Variants in ERN1 observed in about 807,000 individuals in gnomAD.
ERN1 encodes endoplasmic reticulum to nucleus signaling 1, also known as serine/threonine-protein kinase/endoribonuclease IRE1.
ERN1 carries 39 observed loss-of-function variants against 113.1 expected under a neutral mutation model. The ratio of observed to expected loss-of-function variants is 0.34; its 90% CI spans 0.27 to 0.45. The LOEUF (loss-of-function observed/expected upper bound fraction) is 0.45. ERN1 is among the 20% of genes least tolerant of loss of function. The pLI is 1.00. For missense variants in ERN1, 976 were observed against 1,274.8 expected (o/e 0.77, Z 3.57); for synonymous variants, 507 against 515.9 (o/e 0.98, Z 0.23).
rs1913709519 is a variant in ERN1 at position 64,079,743 on chromosome 17, T to A, written c.210-9A>T. ...CTGGGAGAAAGGCAGGCCTAGAGAT[T>A]AAATAATAAATATCAAAGATAAATT... is the stretch of plus-strand genomic sequence containing the variant. On this transcript the variant is annotated splice_polypyrimidine_tract_variant and intron_variant, in intron 3 of 21. Coordinates refer to ENST00000433197, the MANE Select transcript of ERN1 (RefSeq NM_001433.5). 2.5e-6 allele frequency: 4 copies of A among 1,606,032 alleles called. No homozygotes were observed. Among genetic ancestry groups the A allele is most frequent in the Non-Finnish European group, 3.4e-6 (4 of 1,173,540 alleles).
In ERN1 at chr17:64,075,701, C is replaced by T. The variant is rs186296639; in HGVS notation, c.283-454G>A. Reference sequence around the variant, plus strand: ...GCAGAGGCCCCTCAAGGTCTCCTGTCCAGGGTGCTTCCCAGGGGTGACACA... The same window carrying T: ...GCAGAGGCCCCTCAAGGTCTCCTGTTCAGGGTGCTTCCCAGGGGTGACACA... On this transcript the variant is annotated intron_variant, in intron 4 of 21. Transcript: ENST00000433197. Among the ~76,000 whole-genome samples the T allele has an allele frequency of 1.8e-3, 271 of 152,346 alleles. 3 individuals are homozygous for T. The highest frequency in any genetic ancestry group is 7.3e-4 in the Non-Finnish European group (50 of 68,038).
At position 64,130,050 on chromosome 17, in the gene ERN1, T is replaced by C; in HGVS notation, c.-21A>G. Reference sequence around the variant, plus strand: ...GGCATGGCGAGGACTCGGCCCTGGCTCCGGGGGCGGTACGGACAGAGGACG... The same window carrying C: ...GGCATGGCGAGGACTCGGCCCTGGCCCCGGGGGCGGTACGGACAGAGGACG... On this transcript the variant is annotated 5_prime_UTR_variant, in exon 1 of 22. Coordinates refer to ENST00000433197, the MANE Select transcript of ERN1 (RefSeq NM_001433.5). The surrounding 1 kb of genome is among the most constrained non-coding windows in gnomAD (Gnocchi z 4.0). The C allele has an allele frequency of 7.2e-7, 1 of 1,394,562 alleles. No individual in the cohort carries two copies. The highest frequency in any genetic ancestry group is 9.2e-7 in the Non-Finnish European group (1 of 1,082,676). The allele number at this position is 1,394,562 out of a possible 1,614,324, so 86.4% of individuals were successfully genotyped here.
chr17:64,111,134 A>G (rs1914660804), intron 1 of ERN1, among the ~76,000 whole-genome samples: 2 of 152,170 alleles, frequency 1.3e-5, no homozygotes, highest in Admixed American at 1.3e-4. Flanking sequence ...CCATATTATA[A>G]AATATTTTTT....
chr17:64,129,884 G>T, intron 1 of ERN1, 92 bp downstream of exon 1: 1 of 1,202,640 alleles, frequency 8.3e-7, no homozygotes, highest in Non-Finnish European at 1.1e-6. Flanking sequence ...CGCGCTCCCA[G>T]CTCGGACTCC....
chr17:64,066,568 G>T, intron 8 of ERN1, 103 bp downstream of exon 8: 1 of 1,388,796 alleles, frequency 7.2e-7, no homozygotes, highest in Non-Finnish European at 9.8e-7. Context: ...TGGCTTCAGA[G>T]ACTGCCCTGT....
intron 1 of ERN1, among the ~76,000 whole-genome samples, chr17:64,126,001 A>G (rs1915071369): frequency 6.6e-6 from 1 of 152,118 alleles, no homozygotes; most frequent in African/African-American, 2.4e-5. Flanking sequence ...TGATAGAAAG[A>G]CTGTCTAAAA....
intron 13 of ERN1, among the ~76,000 whole-genome samples, chr17:64,055,377 C>T (rs1486260115): frequency 6.6e-6 from 1 of 152,232 alleles, no homozygotes; most frequent in East Asian, 1.9e-4. Flanking sequence ...TGGCCACCGG[C>T]TGGCCCTGGG....
At position 64,044,013 on chromosome 17, in the gene ERN1, G is replaced by A. The variant is rs1912423546; in HGVS notation, c.2909C>T (p.Pro970Leu). The A allele has an allele frequency of 4.3e-6, 7 of 1,612,492 alleles. No homozygotes were observed. The highest frequency in any genetic ancestry group is 5.9e-6 in the Non-Finnish European group (7 of 1,179,198). Reference protein sequence around the residue: ...YYFHEPPEPQPPVTPDAL With the variant: ...YYFHEPPEPQLPVTPDAL ...TCAGAGGGCGTCTGGAGTCACTGGG[G>A]GCTGGGGCTCTGGGGGCTCGTGGAA... Residue 970 changes from proline (P) to leucine (L), a missense_variant, in exon 22 of 22, where the codon CCC becomes CTC. Coordinates refer to ENST00000433197, the MANE Select transcript of ERN1 (RefSeq NM_001433.5). The surrounding 1 kb of genome is among the most constrained non-coding windows in gnomAD (Gnocchi z 4.1).
intron 1 of ERN1, among the ~76,000 whole-genome samples, chr17:64,099,479 TC>T: frequency 6.6e-6 from 1 of 152,224 alleles, no homozygotes; most frequent in Non-Finnish European, 1.5e-5. Flanking sequence ...GATTTTCTCT[TC>T]TTTTGTCACA....
intron 7 of ERN1, 89 bp from the exon 8 acceptor site, chr17:64,067,021 GT>G: frequency 7.1e-7 from 1 of 1,406,500 alleles, no homozygotes; most frequent in Non-Finnish European, 9.8e-7. Flanking sequence ...TAGTCACTCA[GT>G]TAGAGGAAAC....
chr17:64,050,090 A>G (rs1419067932), intron 17 of ERN1, among the ~76,000 whole-genome samples: 1 of 152,194 alleles, frequency 6.6e-6, no homozygotes, highest in Non-Finnish European at 1.5e-5. Context: ...GAGAACGTGG[A>G]CAGAAAGGTT....
intron 1 of ERN1, among the ~76,000 whole-genome samples, chr17:64,119,472 T>C (rs1914899907): frequency 1.5e-5 from 2 of 137,064 alleles, no homozygotes; most frequent in Non-Finnish European, 3.1e-5. Flanking sequence ...CACTGCAACC[T>C]CTGCCTCCTG....
intron 11 of ERN1, among the ~76,000 whole-genome samples, chr17:64,058,341 T>C (rs1912945821): frequency 6.6e-6 from 1 of 152,188 alleles, no homozygotes; most frequent in Non-Finnish European, 1.5e-5. Flanking sequence ...AGGAAAACAC[T>C]GAAGTCATCT....
intron 1 of ERN1, among the ~76,000 whole-genome samples, chr17:64,099,104 T>C (rs568598143): frequency 6.6e-6 from 1 of 152,302 alleles, no homozygotes; most frequent in Non-Finnish European, 1.5e-5. Context: ...AGAACCAAAC[T>C]TCCAATAATA....
In ERN1 at chr17:64,044,768, C is replaced by T; in HGVS notation, c.2721+92G>A. On this transcript the variant is annotated intron_variant, in intron 21 of 21. Coordinates refer to ENST00000433197, the MANE Select transcript of ERN1 (RefSeq NM_001433.5). This position sits in a 1 kb window ranked among gnomAD's most constrained non-coding sequence, Gnocchi z 4.1. Reference sequence around the variant, plus strand: ...CTCCTGAGAGATGAGAATGCCAGTACAGATAAAAGATTTATAAAGAATGGA... The same window carrying T: ...CTCCTGAGAGATGAGAATGCCAGTATAGATAAAAGATTTATAAAGAATGGA... The T allele has an allele frequency of 2.2e-6, 2 of 897,864 alleles. No individual in the cohort carries two copies. Among genetic ancestry groups the T allele is most frequent in the Non-Finnish European group, 3.6e-6 (2 of 559,348 alleles). The allele number at this position is 897,864 out of a possible 1,614,324, so 55.6% of individuals were successfully genotyped here.
At chr17:64,067,102 C>G (rs751774514) in intron 7 of ERN1, 170 bp from the exon 8 acceptor site, 12 of 692,106 alleles carry the variant, frequency 1.7e-5, no homozygotes, top group Non-Finnish European at 2.4e-5. Context: ...CGCTTAGTCT[C>G]TGTAATATCA....
rs1913430841 is a variant in ERN1 at position 64,071,862 on chromosome 17, G to C, written c.478+119C>G. 13 of 1,058,594 alleles carry C rather than the reference G, an allele frequency of 1.2e-5. 1 individual carries two copies. Among genetic ancestry groups the C allele is most frequent in the South Asian group, 1.1e-4 (7 of 66,478 alleles). 65.6% of individuals were successfully genotyped at this position (1,058,594 alleles called of 1,614,324 possible). ...AGGGTCTTATAAAGGAAAATGACAT[G>C]ATGGGACCTGTGTTTGGAAAAAAGC... is the stretch of plus-strand genomic sequence containing the variant. On this transcript the variant is annotated intron_variant, in intron 6 of 21. Coordinates refer to ENST00000433197, the MANE Select transcript of ERN1 (RefSeq NM_001433.5).
chr17:64,129,169 A>G (rs1311327271), intron 1 of ERN1: 1 of 152,146 alleles, frequency 6.6e-6, no homozygotes, highest in Non-Finnish European at 1.5e-5. Flanking sequence ...GGTCATAAAG[A>G]GTTAAATGAA....
At chr17:64,098,294 C>T (rs769222618) in intron 1 of ERN1, 53 bp from the exon 2 acceptor site, 2 of 1,608,828 alleles carry the variant, frequency 1.2e-6, no homozygotes, top group South Asian at 1.1e-5. Context: ...TCACCTTGGG[C>T]ATGTACAATC....
Sources: gnomAD v4.1 joint callset for allele counts (sites outside exome capture counted in the v4.1 genomes callset) on GRCh38, gnomAD v4.1.1 for gene constraint, Gnocchi (gnomAD v3.1) non-coding constraint, MANE v1.5 for transcripts, NCBI Gene and HGNC (gene_info 2026-07-23, HGNC 2026-07-21) for gene names.